Variants in PHF14 observed in about 807,000 individuals in gnomAD.
PHF14 encodes the protein PHD finger protein 14.
PHF14 carries 55 observed loss-of-function variants against 117.9 expected under a neutral mutation model. The ratio of observed to expected loss-of-function variants is 0.47; its 90% CI spans 0.38 to 0.58. PHF14 has a LOEUF of 0.58. Ranked by LOEUF, PHF14 falls within the 20% of genes least tolerant of loss-of-function variation. The probability of loss-of-function intolerance (pLI) is 0.00; values close to 1 mark genes in which losing one functional copy is unlikely to be tolerated. For synonymous variants in PHF14, 409 were observed against 368.6 expected (o/e 1.11, Z -1.26); for missense variants, 978 against 1,122.2 (o/e 0.87, Z 1.84).
At chr7:11,147,890 A>T (rs1174057909) in intron 17 of PHF14, among the ~76,000 whole-genome samples, 1 of 152,160 alleles carries the variant, frequency 6.6e-6, no homozygotes, top group Non-Finnish European at 1.5e-5. Flanking sequence ...TAGATAACTA[A>T]AGATTGGCTC....
rs532049724 is a variant in PHF14, at chr7:11,020,061, G to A, written c.1206-2807G>A. Among the ~76,000 whole-genome samples the A allele has an allele frequency of 2.0e-4, 30 of 151,920 alleles. No individual in the cohort carries two copies. The South Asian group carries it at 6.0e-3, about 30-fold the overall frequency. The stretch of plus-strand genomic sequence containing the variant: ...AAGCTTTATGTTGCAATAGAAGGCA[G>A]CATTGAAATCTTTATGTCTCAGTTC... On this transcript the variant is annotated intron_variant, in intron 5 of 17. Transcript: ENST00000634607.
rs550241909 is a variant in PHF14, at chr7:11,121,815, G to T, written c.2772+10348G>T. The stretch of plus-strand genomic sequence containing the variant: ...GAGATTTCATCATGCTCTTCAGAAT[G>T]GTATGCAATTTAAAACTTCCAAACT... On this transcript the variant is annotated intron_variant, in intron 17 of 17. Transcript: ENST00000634607. Among the ~76,000 whole-genome samples the T allele has an allele frequency of 8.0e-4, 121 of 151,936 alleles. 1 individual carries two copies. Among genetic ancestry groups the T allele is most frequent in the African/African-American group, 2.8e-3 (115 of 41,442 alleles).
At chr7:10,975,274 G>C (rs1781822291) in intron 2 of PHF14, among the ~76,000 whole-genome samples, 1 of 152,226 alleles carries the variant, frequency 6.6e-6, no homozygotes, top group Admixed American at 6.5e-5. Flanking sequence ...AAAGTATCCT[G>C]AGAGGTGTGT....
intron 17 of PHF14, among the ~76,000 whole-genome samples, chr7:11,140,122 C>T (rs931472591): frequency 1.3e-5 from 2 of 152,092 alleles, no homozygotes; most frequent in Non-Finnish European, 2.9e-5. Context: ...ACACATCCTT[C>T]TATATATAAA....
intron 4 of PHF14, among the ~76,000 whole-genome samples, chr7:11,002,578 T>C (rs1646378833): frequency 6.6e-6 from 1 of 152,032 alleles, no homozygotes; most frequent in African/African-American, 2.4e-5. Flanking sequence ...TAGCTGGGAC[T>C]ACAGGCATAT....
At chr7:10,981,306 T>C (rs1229393505) in intron 2 of PHF14, among the ~76,000 whole-genome samples, 1 of 152,226 alleles carries the variant, frequency 6.6e-6, no homozygotes, top group Non-Finnish European at 1.5e-5. Context: ...TGGATTTTAC[T>C]GGCTAAGACT....
intron 17 of PHF14, among the ~76,000 whole-genome samples, chr7:11,140,309 A>T (rs973412482): frequency 1.1e-4 from 16 of 152,064 alleles, no homozygotes; most frequent in South Asian, 2.1e-4. Context: ...ACCCTATTTT[A>T]TTCTACCTAT....
chr7:11,023,225 GGC>G (rs1783794751), intron 6 of PHF14, among the ~76,000 whole-genome samples: 1 of 152,052 alleles, frequency 6.6e-6, no homozygotes, highest in Non-Finnish European at 1.5e-5. Context: ...CCATTTCCCT[GGC>G]AGTGTTCACA....
intron 8 of PHF14, 92 bp from the exon 9 acceptor site, chr7:11,036,326 C>A: frequency 9.2e-7 from 1 of 1,087,200 alleles, no homozygotes; most frequent in Non-Finnish European, 1.3e-6. Flanking sequence ...GATTATCTTT[C>A]TGTGAACATG....
chr7:10,988,158 C>G (rs773584564), intron 3 of PHF14, among the ~76,000 whole-genome samples: 3 of 151,956 alleles, frequency 2.0e-5, no homozygotes, highest in Non-Finnish European at 4.4e-5. Context: ...CTAGTTTTCC[C>G]TATTTCCCTC....
intron 16 of PHF14, chr7:11,105,816 C>T (rs1240941163): frequency 2.0e-6 from 2 of 984,526 alleles, no homozygotes; most frequent in African/African-American, 1.7e-5. Flanking sequence ...GATGCACATG[C>T]TGGGCTTTGT....
At chr7:11,111,516 T>C (rs1431350162) in intron 17 of PHF14, 49 bp downstream of exon 17, 3 of 892,472 alleles carry the variant, frequency 3.4e-6, no homozygotes, top group East Asian at 5.3e-5. Context: ...TTCCGTTTGA[T>C]AGCTTTCCCA....
At chr7:11,024,807 A>G (rs1208895541) in intron 6 of PHF14, among the ~76,000 whole-genome samples, 1 of 152,206 alleles carries the variant, frequency 6.6e-6, no homozygotes, top group African/African-American at 2.4e-5. Context: ...CAAGGAGATT[A>G]ATGTGTTTTC....
chr7:11,036,382 A>G (rs1318453442), intron 8 of PHF14, 36 bp from the exon 9 acceptor site: 4 of 1,485,834 alleles, frequency 2.7e-6, no homozygotes, highest in Non-Finnish European at 3.7e-6. Flanking sequence ...GTTTCATTTT[A>G]TTATCTTTTA....
At chr7:11,058,189 G>A (rs1785086416) in intron 14 of PHF14, among the ~76,000 whole-genome samples, 1 of 152,152 alleles carries the variant, frequency 6.6e-6, no homozygotes, top group African/African-American at 2.4e-5. Context: ...ATTCATCTGA[G>A]ATGGGACAAG....
chr7:10,995,516 A>C (rs571600664), intron 4 of PHF14, among the ~76,000 whole-genome samples: 2 of 152,216 alleles, frequency 1.3e-5, no homozygotes, highest in African/African-American at 4.8e-5. Flanking sequence ...CCAGGGCCAC[A>C]TGTGGAGCTG....
intron 10 of PHF14, among the ~76,000 whole-genome samples, chr7:11,037,947 C>G (rs1784365580): frequency 2.0e-5 from 3 of 151,844 alleles, no homozygotes; most frequent in African/African-American, 7.3e-5. Context: ...GAGAGAGTCA[C>G]AAGGATTAGT....
intron 17 of PHF14, among the ~76,000 whole-genome samples, chr7:11,120,106 T>C (rs1787708249): frequency 6.6e-6 from 1 of 151,934 alleles, no homozygotes; most frequent in Admixed American, 6.6e-5. Flanking sequence ...GGATGCGTCG[T>C]ATAGTAGGAA....
intron 4 of PHF14, among the ~76,000 whole-genome samples, chr7:11,011,091 C>T (rs760729425): frequency 2.0e-5 from 3 of 152,128 alleles, no homozygotes; most frequent in Non-Finnish European, 4.4e-5. Context: ...TACTATTAGG[C>T]TATTTTAGTT....
Sources: gnomAD v4.1 joint callset for allele counts (sites outside exome capture counted in the v4.1 genomes callset) on GRCh38, gnomAD v4.1.1 for gene constraint, MANE v1.5 for transcripts, NCBI Gene and HGNC (gene_info 2026-07-23, HGNC 2026-07-21) for gene names.